SPOCK3: variants seen among roughly 807,000 people sequenced by gnomAD.
SPOCK3 encodes the protein SPARC (osteonectin), cwcv and kazal like domains proteoglycan 3.
SPOCK3 carries 30 observed loss-of-function variants against 56.6 expected under a neutral mutation model. That is an observed-to-expected ratio of 0.53 (90% confidence interval 0.40 to 0.72). The LOEUF (loss-of-function observed/expected upper bound fraction) is 0.72, where lower values mean the gene tolerates loss of function less well. SPOCK3 is among the 30% of genes least tolerant of loss of function. The pLI is 0.00. For missense variants in SPOCK3, 527 were observed against 530.0 expected (o/e 0.99, Z 0.06); for synonymous variants, 196 against 183.3 (o/e 1.07, Z -0.56).
intron 6 of SPOCK3, among the ~76,000 whole-genome samples, chr4:166,808,261 G>T (rs1248730757): frequency 6.6e-6 from 1 of 151,828 alleles, no homozygotes; most frequent in East Asian, 1.9e-4. Flanking sequence ...AGCTGATTTT[G>T]GTATCTACCA....
intron 6 of SPOCK3, among the ~76,000 whole-genome samples, chr4:166,836,511 T>C (rs1746638673): frequency 6.6e-6 from 1 of 152,238 alleles, no homozygotes; most frequent in African/African-American, 2.4e-5. Flanking sequence ...TTTAGTTGAA[T>C]CTACTGACAT....
intron 3 of SPOCK3, among the ~76,000 whole-genome samples, chr4:167,027,909 T>C (rs1212085522): frequency 6.6e-6 from 1 of 151,990 alleles, no homozygotes; most frequent in African/African-American, 2.4e-5. Context: ...TGTTCAAGAA[T>C]CAACTGTACC....
intron 2 of SPOCK3, among the ~76,000 whole-genome samples, chr4:167,208,713 A>C (rs1247694326): frequency 1.3e-5 from 2 of 151,866 alleles, no homozygotes; most frequent in East Asian, 3.9e-4. Flanking sequence ...TTGTTTATAC[A>C]TGTAGATCTG....
chr4:166,769,273 G>C (rs554405346), intron 7 of SPOCK3, among the ~76,000 whole-genome samples: 1 of 152,256 alleles, frequency 6.6e-6, no homozygotes, highest in South Asian at 2.1e-4. Flanking sequence ...CTGATTTTTA[G>C]TATTTTCAGC....
intron 2 of SPOCK3, among the ~76,000 whole-genome samples, chr4:167,208,730 A>C (rs961368095): frequency 6.6e-6 from 1 of 151,998 alleles, no homozygotes; most frequent in Non-Finnish European, 1.5e-5. Flanking sequence ...TCTGCTAAAA[A>C]TATGAGAAAA....
At chr4:166,799,359 T>C (rs902640783) in intron 6 of SPOCK3, among the ~76,000 whole-genome samples, 1 of 152,188 alleles carries the variant, frequency 6.6e-6, no homozygotes, top group African/African-American at 2.4e-5. Context: ...CTTCCAAACA[T>C]CACCTTTTTC....
Position 167,221,206 on chromosome 4 carries a change from A to T in SPOCK3, c.189+12779T>A, listed in dbSNP as rs565411233. ...GAAACCCCAGTCTCTACAAAAAATT[A>T]AAAAAAAAAAAATTAGCCACACATG... On this transcript the variant is annotated intron_variant, in intron 2 of 10. Transcript: ENST00000357545. Among the ~76,000 whole-genome samples the T allele has an allele frequency of 7.4e-4, 69 of 93,832 alleles. No individual in the cohort carries two copies. In the East Asian group the frequency reaches 0.019, roughly 26 times the overall value. 61.6% of individuals were successfully genotyped at this position (93,832 alleles called of 152,430 possible).
At chr4:166,740,542 C>G (rs1734732749) in intron 9 of SPOCK3, among the ~76,000 whole-genome samples, 1 of 147,486 alleles carries the variant, frequency 6.8e-6, no homozygotes, top group African/African-American at 2.5e-5. Context: ...ATTATTATTT[C>G]TGAGATGGAG....
rs549606711 is a variant in SPOCK3 at position 166,859,514 on chromosome 4, G to A, written c.589+29616C>T. Among the ~76,000 whole-genome samples the A allele has an allele frequency of 2.6e-5, 4 of 152,092 alleles. No individual in the cohort carries two copies. The South Asian group carries it at 8.3e-4, about 32-fold the overall frequency. On this transcript the variant is annotated intron_variant, in intron 6 of 10. Coordinates refer to ENST00000357545, the MANE Select transcript of SPOCK3 (RefSeq NM_001040159.2). Reference sequence around the variant, plus strand: ...GTCTTGGATATTTCAGCTAATATTTGACACACAATAGATACAACATATGAT... The same window carrying A: ...GTCTTGGATATTTCAGCTAATATTTAACACACAATAGATACAACATATGAT...
intron 6 of SPOCK3, among the ~76,000 whole-genome samples, chr4:166,832,411 C>A (rs1239684411): frequency 1.4e-5 from 2 of 146,574 alleles, no homozygotes; most frequent in African/African-American, 2.5e-5. Flanking sequence ...AAAAAAAAAA[C>A]AACAGATGAT....
chr4:167,009,902 G>GA lies in SPOCK3; in HGVS notation c.236-9440dup, dbSNP rs539590157. Among the ~76,000 whole-genome samples, 50 of 151,876 alleles carry GA rather than the reference G, an allele frequency of 3.3e-4. 1 individual carries two copies. The Middle Eastern group carries it at 0.01, about 31-fold the overall frequency. Reference sequence around the variant, plus strand: ...AAATATAAAAACAACATGATAATATGAAAAAAATTAAAACAGACTTTCTAG... The same window carrying GA: ...AAATATAAAAACAACATGATAATATGAAAAAAAATTAAAACAGACTTTCTAG... On this transcript the variant is annotated intron_variant, in intron 3 of 10. Transcript: ENST00000357545.
At position 167,234,187 on chromosome 4, in the gene SPOCK3, C is replaced by A. The variant is rs769541844; in HGVS notation, c.1-14G>T. 3 of 1,611,344 alleles carry A rather than the reference C, an allele frequency of 1.9e-6. No homozygotes were observed. Among genetic ancestry groups the A allele is most frequent in the East Asian group, 4.5e-5 (2 of 44,784 alleles). ...CACCTTGAGCATCTGGGAGAGGAGACACAACGGGGGGTGGGGGGGCATGTC... is the reference window on the plus strand; with the variant it reads ...CACCTTGAGCATCTGGGAGAGGAGAAACAACGGGGGGTGGGGGGGCATGTC... On this transcript the variant is annotated splice_polypyrimidine_tract_variant and intron_variant, in intron 1 of 10. Transcript: ENST00000357545.
At chr4:167,093,437 C>A (rs1163340930) in intron 2 of SPOCK3, among the ~76,000 whole-genome samples, 20 of 152,080 alleles carry the variant, frequency 1.3e-4, no homozygotes, top group Admixed American at 1.3e-3. Flanking sequence ...TGCTCTCTCT[C>A]CCCTAACCCC....
intron 4 of SPOCK3, among the ~76,000 whole-genome samples, chr4:166,921,249 T>C (rs1038683705): frequency 2.6e-5 from 4 of 152,184 alleles, no homozygotes; most frequent in African/African-American, 9.7e-5. Flanking sequence ...CCTAATATTT[T>C]ATCCTATAGC....
intron 6 of SPOCK3, among the ~76,000 whole-genome samples, chr4:166,872,618 T>C (rs1579494443): frequency 6.6e-6 from 1 of 151,936 alleles, no homozygotes; most frequent in South Asian, 2.1e-4. Flanking sequence ...CAACACCAAA[T>C]AGAAATGAGC....
intron 2 of SPOCK3, among the ~76,000 whole-genome samples, chr4:167,190,647 T>G (rs1244034261): frequency 6.9e-6 from 1 of 145,878 alleles, no homozygotes; most frequent in Non-Finnish European, 1.5e-5. Flanking sequence ...TTGCTTTTGT[T>G]GCCTGTGCTT....
chr4:166,905,727 A>C (rs1736535679), intron 5 of SPOCK3, among the ~76,000 whole-genome samples: 1 of 152,014 alleles, frequency 6.6e-6, no homozygotes, highest in East Asian at 1.9e-4. Flanking sequence ...ATATGTAAAA[A>C]AATCTGGAGA....
At chr4:167,166,187 G>C (rs147640172) in intron 2 of SPOCK3, among the ~76,000 whole-genome samples, 1,690 of 152,024 alleles carry the variant, frequency 0.011, 16 homozygotes, top group Middle Eastern at 0.034. Flanking sequence ...TGATATTGTA[G>C]AGAACTAGAA....
At chr4:166,774,293 G>C (rs1205050757) in intron 7 of SPOCK3, among the ~76,000 whole-genome samples, 1 of 152,158 alleles carries the variant, frequency 6.6e-6, no homozygotes, top group Non-Finnish European at 1.5e-5. Context: ...TTACCAAATT[G>C]ATAACTGTCT....
Sources: allele counts gnomAD v4.1 joint callset (sites outside exome capture counted in the v4.1 genomes callset), GRCh38; gene constraint gnomAD v4.1.1; transcripts MANE v1.5; gene names NCBI Gene and HGNC (gene_info 2026-07-23, HGNC 2026-07-21).